The following TUBA1A variants were observed in gnomAD, a reference collection of about 807,000 sequenced individuals.
TUBA1A encodes tubulin alpha-1A chain.
Under a neutral mutation model 34.6 loss-of-function variants are expected in TUBA1A, and 7 were observed. The ratio of observed to expected loss-of-function variants is 0.20; its 90% confidence interval spans 0.11 to 0.38. TUBA1A has a LOEUF of 0.38. Ranked by LOEUF, TUBA1A falls within the 10% of genes least tolerant of loss-of-function variation. TUBA1A has a pLI of 1.00. For synonymous variants in TUBA1A, 193 were observed against 210.2 expected, an observed-to-expected ratio of 0.92 and a Z score of 0.71; for missense variants, 19 against 581.3, an observed-to-expected ratio of 0.03 and a Z score of 9.95.
At position 49,189,059 on chromosome 12, in the gene TUBA1A, C is replaced by G; in HGVS notation, c.-80G>C. On this transcript the variant is annotated 5_prime_UTR_variant, in exon 1 of 4. Coordinates refer to ENST00000301071, the MANE Select transcript of TUBA1A (RefSeq NM_006009.4). ...TGCTTCTTACAGCGCGACTCTTAGG[C>G]GGTCGATGTAAGAGAACCTGCGGCA... 6.3e-7 allele frequency: 1 copy of G among 1,592,460 alleles called. No individual in the cohort carries two copies. Among genetic ancestry groups the G allele is most frequent in the South Asian group, 1.1e-5 (1 of 90,666 alleles).
At position 49,186,838 on chromosome 12, in the gene TUBA1A, G is replaced by C. The variant is rs752344963; in HGVS notation, c.4-5C>G. The stretch of plus-strand genomic sequence containing the variant: ...GTGGATGGAGATGCACTCACGCTGT[G>C]GGGAGGAAAAGTGAAAAAATCGTAA... On this transcript the variant is annotated splice_region_variant and splice_polypyrimidine_tract_variant and intron_variant, in intron 1 of 3. Transcript: ENST00000301071. The surrounding 1 kb of genome is among the most constrained non-coding windows in gnomAD (Gnocchi z 6.6). 6.2e-7 allele frequency: 1 copy of C among 1,614,138 alleles called. No individual in the cohort carries two copies. The highest frequency in any genetic ancestry group is 8.5e-7 in the Non-Finnish European group (1 of 1,180,028).
rs139102191 is a variant in TUBA1A at position 49,186,741 on chromosome 12, G to C, written c.96C>G (p.Pro32=). The C allele has an allele frequency of 6.2e-7, 1 of 1,614,170 alleles. No individual in the cohort carries two copies. The highest frequency in any genetic ancestry group is 2.2e-5 in the East Asian group (1 of 44,884). The change falls in exon 2 of 4, where the codon CCC becomes CCG. Residue 32 remains proline (P), a synonymous_variant. Transcript: ENST00000301071. The surrounding 1 kb of genome is among the most constrained non-coding windows in gnomAD (Gnocchi z 6.6). ...TCTTGTCACTTGGCATCTGGCCATC[G>C]GGCTGGATGCCGTGTTCCAGGCAGT... ...ELYCLEHGIQ[P]DGQMPSDKTI...
chr12:49,185,055 C>T lies in TUBA1A; in HGVS notation c.1311G>A (p.Val437=). The change falls in exon 4 of 4, where the codon GTG becomes GTA. Residue 437 remains valine, a synonymous_variant. Coordinates refer to ENST00000301071, the MANE Select transcript of TUBA1A (RefSeq NM_006009.4). ...ALEKDYEEVG[V]DSVEGEGEEE... is the part of the protein sequence containing the mutation. ...CCTCACCCTCTCCTTCAACAGAATC[C>T]ACACCAACCTCCTCATAATCCTTCT... 2 of 1,614,186 alleles carry T rather than the reference C, an allele frequency of 1.2e-6. No homozygotes were observed. The highest frequency in any genetic ancestry group is 1.7e-6 in the Non-Finnish European group (2 of 1,180,030).
Position 49,186,170 on chromosome 12 carries a change from A to G in TUBA1A, c.375+140T>C. 3 of 1,565,028 alleles carry G rather than the reference A, an allele frequency of 1.9e-6. No individual in the cohort carries two copies. The highest frequency in any genetic ancestry group is 2.6e-6 in the Non-Finnish European group (3 of 1,153,616). On this transcript the variant is annotated intron_variant, in intron 3 of 3. Coordinates refer to ENST00000301071, the MANE Select transcript of TUBA1A (RefSeq NM_006009.4). This position sits in a 1 kb window ranked among gnomAD's most constrained non-coding sequence, Gnocchi z 6.6. ...GACATCAAATAGTTCATTTTAACTG[A>G]ATTTTAAAAACCCCAAAAGAATGAC...
intron 1 of TUBA1A, chr12:49,187,615 AG>A (rs1942197051): frequency 1.0e-6 from 1 of 984,646 alleles, no homozygotes; most frequent in Non-Finnish European, 1.2e-6. Context: ...TTAAAAAAAA[AG>A]GTTTTTCCAG....
In TUBA1A at chr12:49,185,013, G is replaced by A. The variant is rs1360051957; in HGVS notation, c.1353C>T (p.Tyr451=). ...GCACCTTTGTGACGTTTTAACTTTA[G>A]TATTCCTCTCCTTCTTCCTCACCCT... ...EGEGEEEGEE[Y] is the part of the protein sequence containing the mutation. Residue 451 remains tyrosine (Y), a synonymous_variant, in exon 4 of 4, where the codon TAC becomes TAT. Coordinates refer to ENST00000301071, the MANE Select transcript of TUBA1A (RefSeq NM_006009.4). 1 of 1,613,976 alleles carries A rather than the reference G, an allele frequency of 6.2e-7. No individual in the cohort carries two copies. The highest frequency in any genetic ancestry group is 8.5e-7 in the Non-Finnish European group (1 of 1,179,966).
In TUBA1A at chr12:49,188,945, A is replaced by G; in HGVS notation, c.3+32T>C. The G allele has an allele frequency of 1.9e-6, 3 of 1,614,176 alleles. No homozygotes were observed. Among genetic ancestry groups the G allele is most frequent in the Non-Finnish European group, 1.7e-6 (2 of 1,180,040 alleles). Reference sequence around the variant, plus strand: ...GAGCCTGGGGGCGCTGACTCCACCCAACGGCCACAAAGAGCCGAAGCCGAT... The same window carrying G: ...GAGCCTGGGGGCGCTGACTCCACCCGACGGCCACAAAGAGCCGAAGCCGAT... On this transcript the variant is annotated intron_variant, in intron 1 of 3. Coordinates refer to ENST00000301071, the MANE Select transcript of TUBA1A (RefSeq NM_006009.4). The surrounding 1 kb of genome is among the most constrained non-coding windows in gnomAD (Gnocchi z 4.9).
chr12:49,187,275 C>A, intron 1 of TUBA1A: 1 of 1,086,884 alleles, frequency 9.2e-7, no homozygotes. Flanking sequence ...GCAGCTGAGG[C>A]AAGAAGCCAC....
chr12:49,188,832 T>C lies in TUBA1A; in HGVS notation c.3+145A>G, dbSNP rs1592261521. 158 of 1,603,324 alleles carry C rather than the reference T, an allele frequency of 9.9e-5. No homozygotes were observed. In the East Asian group the frequency reaches 3.5e-3, roughly 35 times the overall value. The stretch of plus-strand genomic sequence containing the variant: ...CTGCGGCGGCGGCGGGGCTTGAGGA[T>C]TTGGGGCTAAGCTAAACCTCACAAA... On this transcript the variant is annotated intron_variant, in intron 1 of 3. Coordinates refer to ENST00000301071, the MANE Select transcript of TUBA1A (RefSeq NM_006009.4). The surrounding 1 kb of genome is among the most constrained non-coding windows in gnomAD (Gnocchi z 4.9).
chr12:49,188,801 C>T lies in TUBA1A; in HGVS notation c.3+176G>A. The T allele has an allele frequency of 2.5e-6, 4 of 1,593,924 alleles. No homozygotes were observed. In the South Asian group the frequency reaches 3.3e-5, roughly 13 times the overall value. ...GCGCAGTACTGGCCCGGTTCCTGCACCCGCACTGCGGCGGCGGCGGGGCTT... is the reference window on the plus strand; with the variant it reads ...GCGCAGTACTGGCCCGGTTCCTGCATCCGCACTGCGGCGGCGGCGGGGCTT... On this transcript the variant is annotated intron_variant, in intron 1 of 3. Transcript: ENST00000301071. This position sits in a 1 kb window ranked among gnomAD's most constrained non-coding sequence, Gnocchi z 4.9.
Position 49,187,027 on chromosome 12 carries a change from T to C in TUBA1A, c.4-194A>G. 4 of 1,459,380 alleles carry C rather than the reference T, an allele frequency of 2.7e-6. No homozygotes were observed. The East Asian group carries it at 7.5e-5, about 27-fold the overall frequency. The allele number at this position is 1,459,380 out of a possible 1,614,324, so 90.4% of individuals were successfully genotyped here. On this transcript the variant is annotated intron_variant, in intron 1 of 3. Transcript: ENST00000301071. Reference sequence around the variant, plus strand: ...CTGCATATGGGTGTGGTCTGAATAATGATGTCGCCTTGGCCCTGTTCAGCA... The same window carrying C: ...CTGCATATGGGTGTGGTCTGAATAACGATGTCGCCTTGGCCCTGTTCAGCA...
chr12:49,188,112 A>ACACT lies in TUBA1A; in HGVS notation c.3+864_3+865insAGTG, dbSNP rs1400227040. 8 of 980,708 alleles carry ACACT rather than the reference A, an allele frequency of 8.2e-6. No individual in the cohort carries two copies. Among genetic ancestry groups the ACACT allele is most frequent in the African/African-American group, 1.8e-5 (1 of 55,296 alleles). The allele number at this position is 980,708 out of a possible 1,614,324, so 60.8% of individuals were successfully genotyped here. On this transcript the variant is annotated intron_variant, in intron 1 of 3. Coordinates refer to ENST00000301071, the MANE Select transcript of TUBA1A (RefSeq NM_006009.4). This position sits in a 1 kb window ranked among gnomAD's most constrained non-coding sequence, Gnocchi z 4.9. ...CACACACACACACACACACACACAC[A>ACACT]CTTCAGTCGGTCAGGGCAGGGCGTC...
Position 49,188,996 on chromosome 12 carries a change from C to T in TUBA1A, c.-17G>A. 1 of 1,614,284 alleles carries T rather than the reference C, an allele frequency of 6.2e-7. No homozygotes were observed. The highest frequency in any genetic ancestry group is 8.5e-7 in the Non-Finnish European group (1 of 1,180,052). ...TCTCACCATGGTTGCTGCTTCGCGA[C>T]TGCCGAGCTGATGGCGGAGACGAAG... On this transcript the variant is annotated 5_prime_UTR_variant, in exon 1 of 4. Transcript: ENST00000301071. This position sits in a 1 kb window ranked among gnomAD's most constrained non-coding sequence, Gnocchi z 4.9.
chr12:49,188,188 GAAAA>G lies in TUBA1A; in HGVS notation c.3+785_3+788del, dbSNP rs375304653. On this transcript the variant is annotated intron_variant, in intron 1 of 3. Coordinates refer to ENST00000301071, the MANE Select transcript of TUBA1A (RefSeq NM_006009.4). The surrounding 1 kb of genome is among the most constrained non-coding windows in gnomAD (Gnocchi z 4.9). ...TGAAGTGAATTATGATTTTGCTCAA[GAAAA>G]AAAAAAGTCATCTAACTTATAATAG... The G allele has an allele frequency of 2.1e-6, 2 of 955,346 alleles. No homozygotes were observed. The highest frequency in any genetic ancestry group is 6.4e-5 in the Admixed American group (1 of 15,616). 59.2% of individuals were successfully genotyped at this position (955,346 alleles called of 1,614,324 possible). A position where few individuals can be genotyped will look rare whatever the true frequency, so the allele number is the denominator to read the frequency against.
chr12:49,186,281 ATTTAC>A lies in TUBA1A; in HGVS notation c.375+24_375+28del, dbSNP rs773568823. On this transcript the variant is annotated intron_variant, in intron 3 of 3. Coordinates refer to ENST00000301071, the MANE Select transcript of TUBA1A (RefSeq NM_006009.4). The surrounding 1 kb of genome is among the most constrained non-coding windows in gnomAD (Gnocchi z 6.6). ...TCAAATGTGTTCTTTAGGCTCATTAATTTACTTTATTCTTGAAAAGAAACATACCA... is the reference window on the plus strand; with the variant it reads ...TCAAATGTGTTCTTTAGGCTCATTAATTTATTCTTGAAAAGAAACATACCA... 1.9e-6 allele frequency: 3 copies of A among 1,612,660 alleles called. No homozygotes were observed. Among genetic ancestry groups the A allele is most frequent in the South Asian group, 1.1e-5 (1 of 91,010 alleles).
In TUBA1A at chr12:49,188,762, CTGCTGCGCCCT is replaced by C; in HGVS notation, c.3+204_3+214del. 2 of 1,511,970 alleles carry C rather than the reference CTGCTGCGCCCT, an allele frequency of 1.3e-6. No individual in the cohort carries two copies. The highest frequency in any genetic ancestry group is 8.8e-7 in the Non-Finnish European group (1 of 1,140,264). The allele number at this position is 1,511,970 out of a possible 1,614,324, so 93.7% of individuals were successfully genotyped here. A position where few individuals can be genotyped will look rare whatever the true frequency, so the allele number is the denominator to read the frequency against. On this transcript the variant is annotated intron_variant, in intron 1 of 3. Transcript: ENST00000301071. The surrounding 1 kb of genome is among the most constrained non-coding windows in gnomAD (Gnocchi z 4.9). ...GCCGCCTTTGTTCCTCCCCAGCGCT[CTGCTGCGCCCT>C]GGGCGCAGTACTGGCCCGGTTCCTG... is the stretch of plus-strand genomic sequence containing the variant.
intron 1 of TUBA1A, chr12:49,187,508 G>T: frequency 1.0e-6 from 1 of 985,672 alleles, no homozygotes; most frequent in Non-Finnish European, 1.2e-6. Context: ...CCATGTGCCT[G>T]AATTGAAATG....
chr12:49,185,163 T>C lies in TUBA1A; in HGVS notation c.1203A>G (p.Lys401=), dbSNP rs1065724. 72 of 1,614,212 alleles carry C rather than the reference T, an allele frequency of 4.5e-5. 3 individuals are homozygous for C. The highest frequency in any genetic ancestry group is 1.5e-4 in the Admixed American group (9 of 60,024). The change falls in exon 4 of 4, where the codon AAA becomes AAG. Residue 401 remains lysine (K), a synonymous_variant. Transcript: ENST00000301071. ...LDHKFDLMYA[K]RAFVHWYVGE... is the part of the protein sequence containing the mutation. ...CAACGTACCAGTGAACAAAGGCACG[T>C]TTGGCATACATCAGGTCAAACTTGT...
chr12:49,187,809 T>A, intron 1 of TUBA1A: 1 of 981,806 alleles, frequency 1.0e-6, no homozygotes, highest in Non-Finnish European at 1.2e-6. Flanking sequence ...TCTCTACCCA[T>A]CACATAATAT....
Sources: allele counts gnomAD v4.1 joint callset, GRCh38; gene constraint gnomAD v4.1.1; non-coding constraint Gnocchi (gnomAD v3.1); transcripts MANE v1.5; gene names NCBI Gene and HGNC (gene_info 2026-07-23, HGNC 2026-07-21).